The following RBM33 variants were observed in gnomAD, a reference collection of about 807,000 sequenced individuals.
RBM33 encodes the protein RNA binding motif protein 33, also known as RNA-binding protein 33.
RBM33 carries 28 observed loss-of-function variants against 132.6 expected under a neutral mutation model. The ratio of observed to expected loss-of-function variants is 0.21; its 90% CI spans 0.16 to 0.29. The LOEUF (loss-of-function observed/expected upper bound fraction) is 0.29, where lower values mean the gene tolerates loss of function less well. RBM33 is among the 10% of genes least tolerant of loss of function. The probability of loss-of-function intolerance (pLI) is 1.00; values close to 1 mark genes in which losing one functional copy is unlikely to be tolerated. For missense variants in RBM33, 1,291 were observed against 1,518.5 expected (o/e 0.85, Z 2.49); for synonymous variants, 634 against 593.0 (o/e 1.07, Z -1.01).
chr7:155,763,814 A>G lies in RBM33; in HGVS notation c.2982A>G (p.Gly994=). ...KVRVIKLSGG[G]GESDGFFHPE... ...TGCTGCCTTCTTGGTTTCAGCAGGG[A>G]GGAGAGAGCGATGGCTTTTTTCACC... The change falls in exon 15 of 18, where the codon GGA becomes GGG. Residue 994 remains glycine, a splice_region_variant and synonymous_variant. Transcript: ENST00000401878. The G allele has an allele frequency of 1.9e-6, 3 of 1,608,982 alleles. No individual in the cohort carries two copies. Among genetic ancestry groups the G allele is most frequent in the Non-Finnish European group, 2.5e-6 (3 of 1,177,750 alleles).
intron 15 of RBM33, among the ~76,000 whole-genome samples, chr7:155,766,111 A>G (rs1802207095): frequency 6.6e-6 from 1 of 152,122 alleles, no homozygotes; most frequent in Non-Finnish European, 1.5e-5. Flanking sequence ...CTCTCAGGAC[A>G]GGATCCAAAT....
intron 5 of RBM33, among the ~76,000 whole-genome samples, chr7:155,690,836 C>CGCT (rs1554472910): frequency 2.0e-5 from 3 of 152,124 alleles, no homozygotes; most frequent in Non-Finnish European, 1.5e-5. Flanking sequence ...CTGAGATATC[C>CGCT]GCTGTTAGTC....
At chr7:155,700,339 C>G (rs118169400) in intron 5 of RBM33, among the ~76,000 whole-genome samples, 11 of 152,184 alleles carry the variant, frequency 7.2e-5, no homozygotes, top group Non-Finnish European at 1.6e-4. Flanking sequence ...TAGGTGGGGT[C>G]AGAGTTATAA....
At chr7:155,752,580 A>T (rs953763405) in intron 14 of RBM33, among the ~76,000 whole-genome samples, 2 of 152,194 alleles carry the variant, frequency 1.3e-5, no homozygotes, top group African/African-American at 4.8e-5. Context: ...GTGTTGATAC[A>T]TGGAAAGGCA....
intron 1 of RBM33, among the ~76,000 whole-genome samples, chr7:155,658,688 C>T (rs1038737046): frequency 5.3e-4 from 81 of 152,276 alleles, no homozygotes; most frequent in African/African-American, 8.9e-4. Context: ...CGTGAGCCAC[C>T]GCGCCCGGCT....
At chr7:155,661,146 A>ATATATAT (rs1421586760) in intron 1 of RBM33, among the ~76,000 whole-genome samples, 2 of 81,178 alleles carry the variant, frequency 2.5e-5, no homozygotes, top group Admixed American at 1.4e-4. Context: ...ATATATATAT[A>ATATATAT]TTTTTTTTTT....
intron 14 of RBM33, among the ~76,000 whole-genome samples, chr7:155,752,816 C>T (rs1029443389): frequency 6.6e-6 from 1 of 152,110 alleles, no homozygotes; most frequent in Non-Finnish European, 1.5e-5. Flanking sequence ...TCAAGTGGGT[C>T]GTCTTCTGGG....
At chr7:155,713,618 C>T (rs538225615) in intron 8 of RBM33, among the ~76,000 whole-genome samples, 1 of 152,014 alleles carries the variant, frequency 6.6e-6, no homozygotes, top group East Asian at 1.9e-4. Flanking sequence ...GCACTTGGGG[C>T]GGGGCTGGTG....
chr7:155,748,110 T>C (rs1801576796), intron 14 of RBM33, among the ~76,000 whole-genome samples: 1 of 152,238 alleles, frequency 6.6e-6, no homozygotes, highest in African/African-American at 2.4e-5. Flanking sequence ...GAGCTTGGCA[T>C]CTGGGGAGGA....
At chr7:155,681,430 G>A (rs1322850039) in intron 5 of RBM33, among the ~76,000 whole-genome samples, 1 of 151,902 alleles carries the variant, frequency 6.6e-6, no homozygotes, top group Admixed American at 6.6e-5. Flanking sequence ...TCTATAATCA[G>A]GAAGCAAGAT....
At chr7:155,656,190 C>G (rs1036731219) in intron 1 of RBM33, among the ~76,000 whole-genome samples, 2 of 152,138 alleles carry the variant, frequency 1.3e-5, no homozygotes, top group African/African-American at 4.8e-5. Flanking sequence ...TGAGGACTTT[C>G]CTGGTGAGAT....
intron 16 of RBM33, among the ~76,000 whole-genome samples, chr7:155,769,425 G>A (rs938976605): frequency 3.3e-5 from 5 of 152,204 alleles, no homozygotes; most frequent in Non-Finnish European, 5.9e-5. Flanking sequence ...CCAAGGCCAG[G>A]GGGGCTGCCG....
intron 5 of RBM33, among the ~76,000 whole-genome samples, chr7:155,699,255 T>C (rs2116955218): frequency 6.6e-6 from 1 of 152,280 alleles, no homozygotes; most frequent in East Asian, 1.9e-4. Context: ...CAGTGTAGTC[T>C]GTGGACCTGA....
At chr7:155,669,067 C>A (rs141834722) in intron 2 of RBM33, among the ~76,000 whole-genome samples, 5 of 152,092 alleles carry the variant, frequency 3.3e-5, no homozygotes, top group African/African-American at 9.7e-5. Context: ...TCTTCAGTGA[C>A]GTGTTTGCAT....
chr7:155,725,527 G>T (rs890931597), intron 9 of RBM33, among the ~76,000 whole-genome samples: 1 of 152,130 alleles, frequency 6.6e-6, no homozygotes, highest in Admixed American at 6.5e-5. Context: ...AATCTGGTAA[G>T]TTGAATTGTA....
intron 1 of RBM33, among the ~76,000 whole-genome samples, chr7:155,661,737 C>T (rs578136373): frequency 6.2e-4 from 95 of 152,214 alleles, no homozygotes; most frequent in African/African-American, 2.2e-3. Flanking sequence ...TTTGACCTGA[C>T]ACTGTCATCA....
At chr7:155,758,974 G>T (rs1289198560) in intron 14 of RBM33, among the ~76,000 whole-genome samples, 2 of 152,184 alleles carry the variant, frequency 1.3e-5, no homozygotes, top group East Asian at 3.9e-4. Flanking sequence ...GGCCCAGGAA[G>T]GCCCACCCGG....
intron 5 of RBM33, among the ~76,000 whole-genome samples, chr7:155,685,281 G>A (rs941934188): frequency 6.6e-6 from 1 of 152,206 alleles, no homozygotes; most frequent in African/African-American, 2.4e-5. Context: ...GTTTTGTGGG[G>A]ATGTGGGTGG....
intron 14 of RBM33, among the ~76,000 whole-genome samples, chr7:155,750,548 C>T (rs895999727): frequency 3.9e-5 from 6 of 152,120 alleles, no homozygotes; most frequent in Non-Finnish European, 8.8e-5. Flanking sequence ...TCTCTGTAAC[C>T]TTGGTTGCCT....
Sources: allele counts gnomAD v4.1 joint callset (sites outside exome capture counted in the v4.1 genomes callset), GRCh38; gene constraint gnomAD v4.1.1; transcripts MANE v1.5; gene names NCBI Gene and HGNC (gene_info 2026-07-23, HGNC 2026-07-21).